The following CTNNA3 variants were observed in gnomAD, a reference collection of about 807,000 sequenced individuals.
CTNNA3 encodes the protein catenin alpha 3.
CTNNA3 carries 76 observed loss-of-function variants against 95.7 expected under a neutral mutation model. That is an observed-to-expected ratio of 0.79 (90% confidence interval 0.66 to 0.96). The LOEUF (loss-of-function observed/expected upper bound fraction) is 0.96, where lower values mean the gene tolerates loss of function less well. Among genes scored for constraint, CTNNA3 ranks in the 40% least tolerant of loss-of-function variants. The pLI, the probability that CTNNA3 is intolerant of heterozygous loss-of-function variation, is 0.00. For missense variants in CTNNA3, 1,191 were observed against 1,089.8 expected (o/e 1.09, Z -1.31); for synonymous variants, 431 against 374.4 (o/e 1.15, Z -1.74).
intron 15 of CTNNA3, among the ~76,000 whole-genome samples, chr10:66,038,293 T>C (rs1175117314): frequency 6.6e-6 from 1 of 152,224 alleles, no homozygotes; most frequent in Non-Finnish European, 1.5e-5. Flanking sequence ...ACTTTCTCTG[T>C]AGGAGTAACT....
At chr10:67,283,316 A>C (rs757270204) in intron 5 of CTNNA3, among the ~76,000 whole-genome samples, 10 of 152,222 alleles carry the variant, frequency 6.6e-5, no homozygotes, top group Non-Finnish European at 1.0e-4. Context: ...TAGACAGATA[A>C]CATCTGAAAC....
chr10:66,160,393 C>A (rs2084779715), intron 13 of CTNNA3, among the ~76,000 whole-genome samples: 1 of 151,972 alleles, frequency 6.6e-6, no homozygotes, highest in Non-Finnish European at 1.5e-5. Flanking sequence ...TATTGTCATT[C>A]AGTTCGAATA....
At chr10:66,821,391 TG>T (rs1340916086) in intron 7 of CTNNA3, among the ~76,000 whole-genome samples, 1 of 152,096 alleles carries the variant, frequency 6.6e-6, no homozygotes, top group Non-Finnish European at 1.5e-5. Flanking sequence ...TATAACAGTT[TG>T]GACAACGGAG....
chr10:66,837,517 C>T (rs764815298), intron 7 of CTNNA3: 6 of 152,156 alleles, frequency 3.9e-5, no homozygotes, highest in Admixed American at 2.0e-4. Context: ...TAATTCCACA[C>T]TTGAGAAGTC....
chr10:66,912,172 T>G (rs1846251495), intron 7 of CTNNA3, among the ~76,000 whole-genome samples: 6 of 152,140 alleles, frequency 3.9e-5, no homozygotes, highest in Admixed American at 3.9e-4. Flanking sequence ...TTAAATTTAC[T>G]TGTAAACCTC....
intron 1 of CTNNA3, among the ~76,000 whole-genome samples, chr10:67,658,846 A>G (rs1358096679): frequency 6.6e-6 from 1 of 152,232 alleles, no homozygotes; most frequent in Non-Finnish European, 1.5e-5. Flanking sequence ...CAAAAGGTAA[A>G]TATCATTAGC....
chr10:67,460,435 T>C (rs1311868396), intron 5 of CTNNA3, among the ~76,000 whole-genome samples: 1 of 152,148 alleles, frequency 6.6e-6, no homozygotes, highest in Non-Finnish European at 1.5e-5. Flanking sequence ...ATTAAATAAA[T>C]TTGCCCAAGT....
intron 13 of CTNNA3, among the ~76,000 whole-genome samples, chr10:66,255,747 G>A (rs1328196792): frequency 1.3e-5 from 2 of 152,160 alleles, no homozygotes; most frequent in Admixed American, 1.3e-4. Context: ...TGTCCATAAG[G>A]TGGCAAATGA....
intron 7 of CTNNA3, among the ~76,000 whole-genome samples, chr10:66,782,678 G>A (rs1329130072): frequency 6.6e-6 from 1 of 151,952 alleles, no homozygotes; most frequent in Non-Finnish European, 1.5e-5. Context: ...ATGGATGTGG[G>A]TAAAATGAAT....
intron 9 of CTNNA3, among the ~76,000 whole-genome samples, chr10:66,709,876 T>G (rs1454928980): frequency 6.6e-6 from 1 of 152,138 alleles, no homozygotes; most frequent in Non-Finnish European, 1.5e-5. Flanking sequence ...AGAACCCTAA[T>G]GTGTAAATTT....
At chr10:65,921,975 T>C (rs1300418226) in intron 17 of CTNNA3, among the ~76,000 whole-genome samples, 3 of 152,148 alleles carry the variant, frequency 2.0e-5, no homozygotes, top group Non-Finnish European at 4.4e-5. Context: ...AAGTAACTCA[T>C]AGCAACCCTA....
At chr10:67,026,320 G>A (rs1853388351) in intron 7 of CTNNA3, among the ~76,000 whole-genome samples, 1 of 152,030 alleles carries the variant, frequency 6.6e-6, no homozygotes, top group Admixed American at 6.6e-5. Flanking sequence ...CCAGATTCAA[G>A]TAGAGTTTTA....
At chr10:66,543,018 C>T (rs958442948) in intron 10 of CTNNA3, among the ~76,000 whole-genome samples, 1 of 151,976 alleles carries the variant, frequency 6.6e-6, no homozygotes. Context: ...AAAAAGGCTA[C>T]AGTATTTTTT....
intron 11 of CTNNA3, among the ~76,000 whole-genome samples, chr10:66,442,443 A>T (rs2093382001): frequency 6.6e-6 from 1 of 152,162 alleles, no homozygotes; most frequent in Admixed American, 6.6e-5. Flanking sequence ...ATAACTGTAA[A>T]TATATTTTGG....
intron 7 of CTNNA3, among the ~76,000 whole-genome samples, chr10:67,055,599 TA>T (rs1413306269): frequency 1.3e-5 from 2 of 152,242 alleles, no homozygotes; most frequent in South Asian, 4.1e-4. Context: ...ACCCAAAATA[TA>T]ATCAACACAA....
intron 5 of CTNNA3, among the ~76,000 whole-genome samples, chr10:67,427,165 T>C (rs1056764685): frequency 6.6e-6 from 1 of 151,988 alleles, no homozygotes; most frequent in Non-Finnish European, 1.5e-5. Context: ...GTTTAAAAGA[T>C]CTACCAATTT....
At chr10:66,450,040 AT>A (rs1340433372) in intron 11 of CTNNA3, among the ~76,000 whole-genome samples, 3 of 151,916 alleles carry the variant, frequency 2.0e-5, no homozygotes, top group African/African-American at 7.2e-5. Flanking sequence ...TTCAATAATT[AT>A]TTTTTTAACT....
intron 5 of CTNNA3, among the ~76,000 whole-genome samples, chr10:67,485,572 A>G (rs925431679): frequency 6.6e-6 from 1 of 152,198 alleles, no homozygotes; most frequent in African/African-American, 2.4e-5. Context: ...TCACAGCAAG[A>G]GCAGCAGTAC....
At chr10:66,695,682 C>A (rs1847732032) in intron 9 of CTNNA3, among the ~76,000 whole-genome samples, 1 of 151,978 alleles carries the variant, frequency 6.6e-6, no homozygotes. Context: ...TTTGTTGAGA[C>A]AGGAAGATAC....
Sources: allele counts gnomAD v4.1 joint callset (sites outside exome capture counted in the v4.1 genomes callset), GRCh38; gene constraint gnomAD v4.1.1; transcripts MANE v1.5; gene names NCBI Gene and HGNC (gene_info 2026-07-23, HGNC 2026-07-21).